The following SCP2 variants were observed in gnomAD, a reference collection of about 807,000 sequenced individuals.
SCP2 encodes SCP-2/3-oxoacyl-CoA thiolase.
SCP2 carries 48 observed loss-of-function variants against 71.4 expected under a neutral mutation model. The ratio of observed to expected loss-of-function variants is 0.67; its 90% CI spans 0.53 to 0.86. SCP2 has a LOEUF of 0.86. Among genes scored for constraint, SCP2 ranks in the 40% least tolerant of loss-of-function variants. The probability of loss-of-function intolerance (pLI) is 0.00; values close to 1 mark genes in which losing one functional copy is unlikely to be tolerated. For synonymous variants in SCP2, 220 were observed against 218.1 expected (o/e 1.01, Z -0.08); for missense variants, 560 against 655.6 (o/e 0.85, Z 1.59).
intron 3 of SCP2, among the ~76,000 whole-genome samples, chr1:52,950,160 C>T (rs1332966676): frequency 6.6e-6 from 1 of 152,002 alleles, no homozygotes; most frequent in Non-Finnish European, 1.5e-5. Flanking sequence ...CTCTCTCTGT[C>T]GCCCAGGCTG....
intron 2 of SCP2, among the ~76,000 whole-genome samples, chr1:52,947,435 C>T (rs1050435521): frequency 6.6e-6 from 1 of 152,042 alleles, no homozygotes; most frequent in Non-Finnish European, 1.5e-5. Context: ...ATTTAGCTCA[C>T]ACTTTTTTTT....
rs76237967 is a variant in SCP2, at chr1:53,026,741, G to A, written c.1236-1228G>A. On this transcript the variant is annotated intron_variant, in intron 12 of 15. Coordinates refer to ENST00000371514, the MANE Select transcript of SCP2 (RefSeq NM_002979.5). The stretch of plus-strand genomic sequence containing the variant: ...CAAGATTGCCTGAGACCAGGAGTTC[G>A]AGGTTACAGTAAGCTGTGACAGGAC... Among the ~76,000 whole-genome samples the A allele has an allele frequency of 3.8e-3, 583 of 152,210 alleles. 4 individuals carry two copies. The highest frequency in any genetic ancestry group is 0.013 in the African/African-American group (560 of 41,544).
At chr1:52,977,979 AAG>A (rs1384504757) in intron 8 of SCP2, among the ~76,000 whole-genome samples, 1 of 152,132 alleles carries the variant, frequency 6.6e-6, no homozygotes, top group Non-Finnish European at 1.5e-5. Flanking sequence ...AAAAAAAAAA[AAG>A]AACTTTTTGG....
At chr1:52,960,346 T>C (rs886603093) in intron 5 of SCP2, among the ~76,000 whole-genome samples, 6 of 151,998 alleles carry the variant, frequency 3.9e-5, no homozygotes, top group Admixed American at 2.0e-4. Context: ...GCCCAGCTAA[T>C]TTTTTGCAGA....
At chr1:52,998,205 T>C (rs1660063871) in intron 11 of SCP2, among the ~76,000 whole-genome samples, 1 of 152,244 alleles carries the variant, frequency 6.6e-6, no homozygotes, top group Non-Finnish European at 1.5e-5. Flanking sequence ...GCTATGAATG[T>C]TTGTATACAA....
At chr1:53,033,386 T>C (rs1662687521) in intron 13 of SCP2, among the ~76,000 whole-genome samples, 1 of 151,658 alleles carries the variant, frequency 6.6e-6, no homozygotes, top group Admixed American at 6.6e-5. Context: ...GTGGATCACT[T>C]GAGGCCAGGA....
chr1:52,997,593 G>C (rs1027914676), intron 11 of SCP2, among the ~76,000 whole-genome samples: 14 of 152,088 alleles, frequency 9.2e-5, no homozygotes, highest in Non-Finnish European at 1.9e-4. Context: ...CAAATCCATA[G>C]AGACAGAAAA....
At chr1:53,036,019 C>CAAAAA (rs35164089) in intron 13 of SCP2, among the ~76,000 whole-genome samples, 17 of 63,260 alleles carry the variant, frequency 2.7e-4, no homozygotes, top group African/African-American at 3.6e-4. Context: ...GACTCCGTCT[C>CAAAAA]AAAAAAAAAA....
At chr1:52,974,726 G>T in intron 6 of SCP2, 43 bp from the exon 7 acceptor site, 1 of 977,196 alleles carries the variant, frequency 1.0e-6, no homozygotes, top group South Asian at 1.3e-5. Context: ...AATAAGCAGC[G>T]GAAAAACATT....
At chr1:52,976,063 A>G (rs1657935402) in intron 7 of SCP2, among the ~76,000 whole-genome samples, 1 of 152,206 alleles carries the variant, frequency 6.6e-6, no homozygotes, top group African/African-American at 2.4e-5. Flanking sequence ...GAAACAGTCA[A>G]ATGAAGAGGC....
chr1:52,937,472 G>A (rs1326762458), intron 1 of SCP2, among the ~76,000 whole-genome samples: 6 of 152,132 alleles, frequency 3.9e-5, no homozygotes, highest in Non-Finnish European at 8.8e-5. Context: ...CCTTCAAAGG[G>A]TTACTATTAT....
At chr1:53,031,247 G>T (rs1411323901) in intron 13 of SCP2, among the ~76,000 whole-genome samples, 4 of 152,128 alleles carry the variant, frequency 2.6e-5, no homozygotes, top group East Asian at 3.8e-4. Context: ...AATTAGTGTG[G>T]TTTTTATTTT....
intron 11 of SCP2, among the ~76,000 whole-genome samples, chr1:52,988,754 C>T (rs1407213204): frequency 4.7e-5 from 7 of 148,210 alleles, no homozygotes; most frequent in East Asian, 2.0e-4. Flanking sequence ...GGCACAATTT[C>T]GGCTCATTGC....
At chr1:52,979,392 GC>G (rs1658279525) in intron 9 of SCP2, among the ~76,000 whole-genome samples, 2 of 151,412 alleles carry the variant, frequency 1.3e-5, no homozygotes, top group Non-Finnish European at 2.9e-5. Context: ...TGTTACCCAG[GC>G]TGGTCTTGAA....
Position 53,013,106 on chromosome 1 carries a change from CTT to C in SCP2, c.1082-1762_1082-1761del, listed in dbSNP as rs754111443. 9.5e-3 allele frequency among the ~76,000 whole-genome samples: 996 copies of C among 104,606 alleles called. 11 individuals are homozygous for C. The highest frequency in any genetic ancestry group is 0.037 in the African/African-American group (940 of 25,456). 68.6% of individuals were successfully genotyped at this position (104,606 alleles called of 152,430 possible). A position where few individuals can be genotyped will look rare whatever the true frequency, so the allele number is the denominator to read the frequency against. ...AAGTTATTACCAGTTGTGGAGCTAC[CTT>C]TTTTTTTTTTTTTTTTTTTTTGAGA... On this transcript the variant is annotated intron_variant, in intron 11 of 15. Coordinates refer to ENST00000371514, the MANE Select transcript of SCP2 (RefSeq NM_002979.5).
intron 5 of SCP2, among the ~76,000 whole-genome samples, chr1:52,956,240 G>T (rs114120709): frequency 0.027 from 4,105 of 152,208 alleles, 146 homozygotes; most frequent in East Asian, 0.19. Context: ...GGAGGTGGAG[G>T]TTGTGGTGAG....
intron 11 of SCP2, among the ~76,000 whole-genome samples, chr1:53,009,085 C>G (rs1273625032): frequency 6.6e-6 from 1 of 152,104 alleles, no homozygotes; most frequent in East Asian, 1.9e-4. Context: ...TGAAGGACCC[C>G]TTCAAGGAGA....
Position 52,995,309 on chromosome 1 carries a change from C to A in SCP2, c.1081+7173C>A, listed in dbSNP as rs563225303. The A allele has an allele frequency of 1.0e-4, 50 of 480,698 alleles. No individual in the cohort carries two copies. The East Asian group carries it at 2.5e-3, about 24-fold the overall frequency. 29.8% of individuals were successfully genotyped at this position (480,698 alleles called of 1,614,324 possible). The stretch of plus-strand genomic sequence containing the variant: ...CAGTCGGTAGAGAACACTGATGAGA[C>A]CTACTGCATTGACAATGAGGCCCTC... On this transcript the variant is annotated intron_variant, in intron 11 of 15. Transcript: ENST00000371514.
intron 1 of SCP2, among the ~76,000 whole-genome samples, chr1:52,929,978 T>A (rs1259438511): frequency 6.6e-6 from 1 of 152,212 alleles, no homozygotes; most frequent in South Asian, 2.1e-4. Context: ...ACAGCAAGCC[T>A]CTTCACTTAT....
Sources: allele counts gnomAD v4.1 joint callset (sites outside exome capture counted in the v4.1 genomes callset), GRCh38; gene constraint gnomAD v4.1.1; transcripts MANE v1.5; gene names NCBI Gene and HGNC (gene_info 2026-07-23, HGNC 2026-07-21).